The following ANKDD1A variants were observed in gnomAD, a reference collection of about 807,000 sequenced individuals.
ANKDD1A encodes the protein ankyrin repeat and death domain containing 1A.
In ANKDD1A, 59 loss-of-function variants were observed where a neutral mutation model predicts 63.5. The ratio of observed to expected loss-of-function variants is 0.93; its 90% CI spans 0.75 to 1.15. ANKDD1A has a LOEUF of 1.15. Among genes scored for constraint, ANKDD1A ranks in the 50% most tolerant of loss-of-function variants. The pLI is 0.00. For synonymous variants in ANKDD1A, 266 were observed against 263.9 expected, an observed-to-expected ratio of 1.01 and a Z score of -0.08; for missense variants, 632 against 656.4, an observed-to-expected ratio of 0.96 and a Z score of 0.41.
chr15:64,952,916 CCTT>C (rs763536414), intron 14 of ANKDD1A, among the ~76,000 whole-genome samples: 83 of 135,790 alleles, frequency 6.1e-4, no homozygotes, highest in Non-Finnish European at 9.1e-4. Context: ...CTCTTCTTCT[CCTT>C]CTTCTTAGTT....
At chr15:64,954,666 T>C (rs1288825915) in intron 14 of ANKDD1A, among the ~76,000 whole-genome samples, 1 of 129,604 alleles carries the variant, frequency 7.7e-6, no homozygotes, top group Admixed American at 7.5e-5. Context: ...TTCTTTCTTC[T>C]TGTCTCTTCT....
At chr15:64,928,152 G>C (rs1431172002) in intron 6 of ANKDD1A, among the ~76,000 whole-genome samples, 1 of 152,236 alleles carries the variant, frequency 6.6e-6, no homozygotes, top group Non-Finnish European at 1.5e-5. Flanking sequence ...GTGAGACACA[G>C]GTAGAGCTGG....
intron 3 of ANKDD1A, among the ~76,000 whole-genome samples, chr15:64,921,435 C>T (rs979722719): frequency 2.0e-5 from 3 of 152,158 alleles, no homozygotes; most frequent in African/African-American, 4.8e-5. Context: ...AGTGCAGTGG[C>T]ATGATTTCAC....
rs1268672315 is a variant in ANKDD1A at position 64,951,377 on chromosome 15, CTTT to C, written c.1483+1408_1483+1410del. The C allele has an allele frequency of 9.8e-5, 41 of 418,824 alleles. No homozygotes were observed. In the South Asian group the frequency reaches 1.1e-3, roughly 11 times the overall value. The allele number at this position is 418,824 out of a possible 1,614,324, so 25.9% of individuals were successfully genotyped here. On this transcript the variant is annotated intron_variant, in intron 14 of 14. Coordinates refer to ENST00000319580, the MANE Select transcript of ANKDD1A (RefSeq NM_182703.6). ...TCTTTCTTCTTCCTCTTTCTTCTTT[CTTT>C]TTCTTTTCTTCTTCCTCTTTTTTCT...
Position 64,921,409 on chromosome 15 carries a change from C to G in ANKDD1A, c.268-512C>G, listed in dbSNP as rs371951717. ...GTTTGTTTTGAGACGAAGTCTCACT[C>G]TGTCACTCAGGCTGGAGTGCAGTGG... On this transcript the variant is annotated intron_variant, in intron 3 of 14. Transcript: ENST00000319580. Among the ~76,000 whole-genome samples, 16 of 152,346 alleles carry G rather than the reference C, an allele frequency of 1.1e-4. No individual in the cohort carries two copies. In the East Asian group the frequency reaches 2.7e-3, roughly 26 times the overall value.
At chr15:64,914,726 C>T (rs1301489759) in intron 1 of ANKDD1A, among the ~76,000 whole-genome samples, 1 of 152,198 alleles carries the variant, frequency 6.6e-6, no homozygotes. Flanking sequence ...ACTAGACATC[C>T]TCACAATCAA....
At chr15:64,954,815 C>G (rs1025399714) in intron 14 of ANKDD1A, among the ~76,000 whole-genome samples, 1 of 146,842 alleles carries the variant, frequency 6.8e-6, no homozygotes. Context: ...CTTCCTTGTT[C>G]TTCTCCTTCT....
intron 9 of ANKDD1A, among the ~76,000 whole-genome samples, chr15:64,938,267 A>G (rs2085151485): frequency 6.6e-6 from 1 of 152,210 alleles, no homozygotes; most frequent in Non-Finnish European, 1.5e-5. Context: ...ACTTCCTGCC[A>G]GAAAGTGCAG....
chr15:64,953,820 ATTCTTTTCTTCTTTCCTC>A (rs1406414251), intron 14 of ANKDD1A, among the ~76,000 whole-genome samples: 604 of 57,804 alleles, frequency 0.01, 5 homozygotes, highest in African/African-American at 0.033. Context: ...CTTCTTCCTT[ATTCTTTTCTTCTTTCCTC>A]TTCTTTTCTT....
chr15:64,951,114 T>A, intron 14 of ANKDD1A: 2 of 1,166,770 alleles, frequency 1.7e-6, no homozygotes, highest in Non-Finnish European at 2.2e-6. Context: ...AAATCACTGT[T>A]AACAGACCTC....
Position 64,938,590 on chromosome 15 carries a change from T to C in ANKDD1A, c.868-3877T>C, listed in dbSNP as rs552816493. 5.3e-5 allele frequency among the ~76,000 whole-genome samples: 8 copies of C among 152,178 alleles called. No individual in the cohort carries two copies. In the East Asian group the frequency reaches 1.2e-3, roughly 22 times the overall value. ...GAAACCAGCACAGCCAAGAGGAGCA[T>C]AGGGAGACATGACAACTAAATATAA... On this transcript the variant is annotated intron_variant, in intron 9 of 14. Transcript: ENST00000319580.
rs554840013 is a variant in ANKDD1A, at chr15:64,931,072, A to C, written c.669+152A>C. On this transcript the variant is annotated intron_variant, in intron 7 of 14. Coordinates refer to ENST00000319580, the MANE Select transcript of ANKDD1A (RefSeq NM_182703.6). ...CCACCAGGGAAAGACAAGCAGCAGC[A>C]CTGAACTCCAGGCTTAATGGTAGTA... 11 of 763,302 alleles carry C rather than the reference A, an allele frequency of 1.4e-5. No homozygotes were observed. The East Asian group carries it at 3.0e-4, about 21-fold the overall frequency. 47.3% of individuals were successfully genotyped at this position (763,302 alleles called of 1,614,324 possible). A position where few individuals can be genotyped will look rare whatever the true frequency, so the allele number is the denominator to read the frequency against.
At chr15:64,927,100 G>A (rs944557928) in intron 6 of ANKDD1A, 101 bp downstream of exon 6, 28 of 1,232,298 alleles carry the variant, frequency 2.3e-5, no homozygotes, top group Middle Eastern at 1.9e-4. Context: ...CTCCGATTGC[G>A]CTGGAGGCCC....
At chr15:64,930,745 T>C in intron 6 of ANKDD1A, 77 bp from the exon 7 acceptor site, 1 of 1,442,220 alleles carries the variant, frequency 6.9e-7, no homozygotes, top group Admixed American at 2.0e-5. Context: ...CCAGTGTGCA[T>C]GGCTGCAGCT....
chr15:64,918,737 T>C (rs781620528), intron 3 of ANKDD1A, among the ~76,000 whole-genome samples: 13 of 152,110 alleles, frequency 8.5e-5, no homozygotes, highest in Non-Finnish European at 1.5e-4. Flanking sequence ...GAGGATCACC[T>C]GAGGTCAGGA....
intron 9 of ANKDD1A, 92 bp from the exon 10 acceptor site, chr15:64,942,375 A>G: frequency 5.1e-6 from 5 of 988,490 alleles, no homozygotes; most frequent in Non-Finnish European, 5.9e-6. Flanking sequence ...CAGAAGCACT[A>G]TACTCTTCCC....
In ANKDD1A at chr15:64,920,607, A is replaced by G. The variant is rs563020556; in HGVS notation, c.268-1314A>G. Among the ~76,000 whole-genome samples, 19 of 152,254 alleles carry G rather than the reference A, an allele frequency of 1.2e-4. No individual in the cohort carries two copies. The East Asian group carries it at 3.7e-3, about 29-fold the overall frequency. Reference sequence around the variant, plus strand: ...CACTCCATTGCCCAGGCTGGAGTGCAGTGGTGCAATTTTGGCTCACCATAA... The same window carrying G: ...CACTCCATTGCCCAGGCTGGAGTGCGGTGGTGCAATTTTGGCTCACCATAA... On this transcript the variant is annotated intron_variant, in intron 3 of 14. Transcript: ENST00000319580.
intron 6 of ANKDD1A, among the ~76,000 whole-genome samples, chr15:64,927,743 T>C (rs1248880242): frequency 1.3e-5 from 2 of 152,044 alleles, no homozygotes. Context: ...TAGCTGGGAC[T>C]GTAGGCGCCC....
chr15:64,912,194 G>T (rs1232862683), intron 1 of ANKDD1A, among the ~76,000 whole-genome samples: 1 of 152,186 alleles, frequency 6.6e-6, no homozygotes, highest in Non-Finnish European at 1.5e-5. Context: ...GGGAGCAGCG[G>T]CTGAGAGGTT....
Sources: allele counts gnomAD v4.1 joint callset (sites outside exome capture counted in the v4.1 genomes callset), GRCh38; gene constraint gnomAD v4.1.1; transcripts MANE v1.5; gene names NCBI Gene and HGNC (gene_info 2026-07-23, HGNC 2026-07-21).